CDYL: variants seen among roughly 807,000 people sequenced by gnomAD.
CDYL encodes chromodomain Y-like protein.
Under a neutral mutation model 47.3 loss-of-function variants are expected in CDYL, and 8 were observed. The observed-to-expected ratio is 0.17, with a 90% confidence interval of 0.10 to 0.31. The LOEUF (loss-of-function observed/expected upper bound fraction) is 0.31, where lower values mean the gene tolerates loss of function less well. CDYL is among the 10% of genes least tolerant of loss of function. The pLI is 1.00. For missense variants in CDYL, 471 were observed against 701.4 expected, an observed-to-expected ratio of 0.67 and a Z score of 3.71; for synonymous variants, 266 against 265.0, an observed-to-expected ratio of 1.00 and a Z score of -0.04.
chr6:4,802,317 C>T (rs1759249165), intron 1 of CDYL, among the ~76,000 whole-genome samples: 1 of 152,134 alleles, frequency 6.6e-6, no homozygotes, highest in African/African-American at 2.4e-5. Flanking sequence ...GCATGAGTCT[C>T]ACCTGAGGCC....
chr6:4,739,227 C>T (rs1332252049), intron 3 of CDYL, among the ~76,000 whole-genome samples: 1 of 138,222 alleles, frequency 7.2e-6, no homozygotes, highest in Non-Finnish European at 1.7e-5. Context: ...AAAATAAAAA[C>T]AATGTTGAGG....
At chr6:4,722,533 T>A (rs1427685159) in intron 2 of CDYL, among the ~76,000 whole-genome samples, 1 of 152,188 alleles carries the variant, frequency 6.6e-6, no homozygotes, top group African/African-American at 2.4e-5. Context: ...GACCAACTCA[T>A]CCTGGTTAAT....
In CDYL at chr6:4,923,341, C is replaced by T. The variant is rs76054686; in HGVS notation, c.692-12174C>T. Among the ~76,000 whole-genome samples, 686 of 152,232 alleles carry T rather than the reference C, an allele frequency of 4.5e-3. 4 individuals are homozygous for T. The highest frequency in any genetic ancestry group is 0.016 in the African/African-American group (653 of 41,536). On this transcript the variant is annotated intron_variant, in intron 2 of 6. Coordinates refer to ENST00000397588, the MANE Select transcript of CDYL (RefSeq NM_004824.4). ...GTATTTGTCTTAATGTGCCTGGCTT[C>T]GTTCACTTAGCATGATGTCCTCCAG...
chr6:4,925,982 C>G (rs111278268), intron 2 of CDYL, among the ~76,000 whole-genome samples: 18 of 152,238 alleles, frequency 1.2e-4, no homozygotes, highest in African/African-American at 4.3e-4. Context: ...AGATTTCATT[C>G]ATTATTCTTT....
intron 2 of CDYL, among the ~76,000 whole-genome samples, chr6:4,905,298 T>C (rs966607787): frequency 5.3e-5 from 8 of 152,194 alleles, no homozygotes; most frequent in Admixed American, 3.3e-4. Context: ...ACTGTGTTCA[T>C]TGGTCTTTGA....
intron 6 of CDYL, among the ~76,000 whole-genome samples, chr6:4,953,118 T>C (rs986586003): frequency 2.0e-5 from 3 of 149,850 alleles, no homozygotes; most frequent in African/African-American, 7.3e-5. Context: ...GCACAGTGGC[T>C]CACGCCTATA....
chr6:4,949,606 C>G (rs1412530230), intron 5 of CDYL, among the ~76,000 whole-genome samples: 1 of 152,232 alleles, frequency 6.6e-6, no homozygotes, highest in African/African-American at 2.4e-5. Context: ...TACAGGGAGT[C>G]CCTGTGCACT....
At chr6:4,818,123 G>A (rs1224832834) in intron 1 of CDYL, among the ~76,000 whole-genome samples, 2 of 152,084 alleles carry the variant, frequency 1.3e-5, no homozygotes, top group African/African-American at 4.8e-5. Context: ...GGGTATGGTG[G>A]CACATACAGG....
chr6:4,737,385 G>T (rs973581001), intron 3 of CDYL, among the ~76,000 whole-genome samples: 1 of 151,960 alleles, frequency 6.6e-6, no homozygotes, highest in African/African-American at 2.4e-5. Flanking sequence ...AGGCGCAGTG[G>T]CTCACGCCTG....
At chr6:4,916,617 G>A (rs1003738169) in intron 2 of CDYL, among the ~76,000 whole-genome samples, 4 of 151,856 alleles carry the variant, frequency 2.6e-5, no homozygotes, top group African/African-American at 9.7e-5. Flanking sequence ...GGGGGGGGGC[G>A]GGCAGTTTCT....
At chr6:4,780,859 C>A (rs1286480744) in intron 1 of CDYL, among the ~76,000 whole-genome samples, 2 of 152,112 alleles carry the variant, frequency 1.3e-5, no homozygotes. Flanking sequence ...TCAAGAGGAC[C>A]TTAATTTATT....
chr6:4,857,349 C>T (rs564581005), intron 1 of CDYL, among the ~76,000 whole-genome samples: 1 of 152,280 alleles, frequency 6.6e-6, no homozygotes, highest in African/African-American at 2.4e-5. Flanking sequence ...ACATTAATAA[C>T]AATGCGTTTT....
At chr6:4,742,270 A>C (rs1441425399) in intron 3 of CDYL, among the ~76,000 whole-genome samples, 1 of 150,192 alleles carries the variant, frequency 6.7e-6, no homozygotes, top group Non-Finnish European at 1.5e-5. Context: ...TGGGAAACTG[A>C]TGGTGGGAGG....
chr6:4,829,233 A>G (rs1760066099), intron 1 of CDYL, among the ~76,000 whole-genome samples: 1 of 151,894 alleles, frequency 6.6e-6, no homozygotes, highest in Non-Finnish European at 1.5e-5. Flanking sequence ...TTTTGCTGGG[A>G]TTTTTTTGTT....
intron 1 of CDYL, among the ~76,000 whole-genome samples, chr6:4,824,922 G>A (rs1331491755): frequency 1.3e-5 from 2 of 151,970 alleles, no homozygotes; most frequent in Non-Finnish European, 2.9e-5. Context: ...CCAGGCTGGA[G>A]TGTGGTGGCA....
chr6:4,806,981 C>T (rs534368734), intron 1 of CDYL, among the ~76,000 whole-genome samples: 95 of 152,320 alleles, frequency 6.2e-4, no homozygotes, highest in African/African-American at 2.1e-3. Context: ...GCTTCCTTCC[C>T]TCAGAGGCTT....
At chr6:4,894,750 A>C (rs1478091665) in intron 2 of CDYL, among the ~76,000 whole-genome samples, 1 of 152,004 alleles carries the variant, frequency 6.6e-6, no homozygotes, top group Admixed American at 6.6e-5. Context: ...CATCTGACCT[A>C]CTTGGCTCTT....
Position 4,776,728 on chromosome 6 carries a change from C to A in CDYL, c.-56C>A. The A allele has an allele frequency of 2.4e-6, 3 of 1,272,514 alleles. No individual in the cohort carries two copies. The highest frequency in any genetic ancestry group is 2.0e-6 in the Non-Finnish European group (2 of 986,586). 78.8% of individuals were successfully genotyped at this position (1,272,514 alleles called of 1,614,324 possible). On this transcript the variant is annotated 5_prime_UTR_variant, in exon 1 of 7. Coordinates refer to ENST00000397588, the MANE Select transcript of CDYL (RefSeq NM_004824.4). ...CAACTGAAACAAAGTGTCGGCCGCC[C>A]GGCGCCGGCGCCCGCCCCGACCCTG...
intron 1 of CDYL, among the ~76,000 whole-genome samples, chr6:4,856,626 G>A (rs150236897): frequency 3.3e-4 from 51 of 152,316 alleles, no homozygotes; most frequent in African/African-American, 1.1e-3. Context: ...GCAGCGGGAA[G>A]AGCGAGAAAT....
Sources: gnomAD v4.1 joint callset for allele counts (sites outside exome capture counted in the v4.1 genomes callset) on GRCh38, gnomAD v4.1.1 for gene constraint, MANE v1.5 for transcripts, NCBI Gene and HGNC (gene_info 2026-07-23, HGNC 2026-07-21) for gene names.